Variants in TPST2 observed in about 807,000 individuals in gnomAD.
The protein encoded by TPST2 is tyrosylprotein sulfotransferase 2, also known as protein-tyrosine sulfotransferase 2.
In TPST2, 16 loss-of-function variants were observed where a neutral mutation model predicts 27.8. The observed-to-expected ratio is 0.58, with a 90% CI of 0.39 to 0.88. The LOEUF (loss-of-function observed/expected upper bound fraction) is 0.88, where lower values mean the gene tolerates loss of function less well. TPST2 is among the 40% of genes least tolerant of loss of function. The pLI, the probability that TPST2 is intolerant of heterozygous loss-of-function variation, is 0.00. For missense variants in TPST2, 464 were observed against 543.1 expected, an observed-to-expected ratio of 0.85 and a Z score of 1.45; for synonymous variants, 229 against 231.7, an observed-to-expected ratio of 0.99 and a Z score of 0.10.
intron 6 of TPST2, among the ~76,000 whole-genome samples, 155 bp from the exon 7 acceptor site, chr22:26,526,422 A>C (rs1924838057): frequency 6.6e-6 from 1 of 152,234 alleles, no homozygotes; most frequent in Admixed American, 6.5e-5. Flanking sequence ...AGAGAGTTTA[A>C]ATTTAAAAAC....
intron 1 of TPST2, among the ~76,000 whole-genome samples, chr22:26,568,356 C>A (rs1050122510): frequency 6.6e-6 from 1 of 152,168 alleles, no homozygotes; most frequent in Non-Finnish European, 1.5e-5. Flanking sequence ...CTCTCCAGTA[C>A]GGGCTGGGTA....
At chr22:26,579,720 G>A (rs564227045) in intron 1 of TPST2, among the ~76,000 whole-genome samples, 320 of 152,184 alleles carry the variant, frequency 2.1e-3, no homozygotes, top group African/African-American at 7.4e-3. Context: ...GCTTGGGGTC[G>A]GCAGCGGGAA....
intron 1 of TPST2, among the ~76,000 whole-genome samples, chr22:26,580,744 G>A (rs1928069003): frequency 6.6e-6 from 1 of 152,150 alleles, no homozygotes; most frequent in Admixed American, 6.5e-5. Context: ...GATCCCCAAA[G>A]GAGCCGGTTG....
intron 1 of TPST2, among the ~76,000 whole-genome samples, chr22:26,566,304 G>A (rs1927375717): frequency 6.6e-6 from 1 of 152,136 alleles, no homozygotes; most frequent in Non-Finnish European, 1.5e-5. Context: ...TGTAATCCCA[G>A]CACTTTGGGG....
chr22:26,527,762 C>G (rs1471034953), intron 6 of TPST2, among the ~76,000 whole-genome samples: 2 of 152,224 alleles, frequency 1.3e-5, no homozygotes, highest in African/African-American at 4.8e-5. Flanking sequence ...GGACCAGTAC[C>G]TGGCCCAACG....
intron 1 of TPST2, among the ~76,000 whole-genome samples, chr22:26,581,202 G>A (rs1928097704): frequency 6.6e-6 from 1 of 151,976 alleles, no homozygotes; most frequent in Non-Finnish European, 1.5e-5. Flanking sequence ...ACTCCTACTG[G>A]CATCATTTGC....
At chr22:26,557,443 G>A (rs1337762039) in intron 1 of TPST2, among the ~76,000 whole-genome samples, 1 of 152,222 alleles carries the variant, frequency 6.6e-6, no homozygotes, top group Non-Finnish European at 1.5e-5. Context: ...ATAAGGGAAA[G>A]ACCAGAGGGG....
intron 1 of TPST2, among the ~76,000 whole-genome samples, chr22:26,547,084 CCTTTTTTT>C (rs1470106557): frequency 1.3e-5 from 2 of 152,092 alleles, no homozygotes; most frequent in African/African-American, 4.8e-5. Context: ...AAAGAGCTCT[CCTTTTTTT>C]CTTTTTTTGT....
chr22:26,569,975 AGAAAG>A (rs1927540676), intron 1 of TPST2, among the ~76,000 whole-genome samples: 4 of 11,678 alleles, frequency 3.4e-4, no homozygotes, highest in African/African-American at 3.2e-3. Flanking sequence ...AAAGGAAGAA[AGAAAG>A]AAAAGAAAGA....
chr22:26,576,491 C>T (rs1439537710), intron 1 of TPST2, among the ~76,000 whole-genome samples: 1 of 151,892 alleles, frequency 6.6e-6, no homozygotes, highest in Non-Finnish European at 1.5e-5. Context: ...GAAAAGAATG[C>T]CAGCATTTTA....
Position 26,563,395 on chromosome 22 carries a change from C to T in TPST2, c.-160-18720G>A, listed in dbSNP as rs537448488. 8.5e-4 allele frequency among the ~76,000 whole-genome samples: 127 copies of T among 149,212 alleles called. 1 individual carries two copies. The highest frequency in any genetic ancestry group is 2.8e-3 in the African/African-American group (114 of 40,456). On this transcript the variant is annotated intron_variant, in intron 1 of 6. Transcript: ENST00000338754. ...CCAGGCTGGAGTGCAGTGGCGTGAT[C>T]TCAGCTCACTGCAAGCTCCGTCTCC...
At position 26,541,372 on chromosome 22, in the gene TPST2, T is replaced by C. The variant is rs1230219809; in HGVS notation, c.259A>G (p.Met87Val). 2.4e-5 allele frequency: 38 copies of C among 1,556,936 alleles called. No homozygotes were observed. Among genetic ancestry groups the C allele is most frequent in the Non-Finnish European group, 3.3e-5 (38 of 1,150,656 alleles). Reference protein sequence around the residue: ...PRSGTTLMRAMLDAHPEVRCG... With the variant: ...PRSGTTLMRAVLDAHPEVRCG... ...CGCACCTCGGGGTGCGCGTCCAGCA[T>C]GGCGCGCATCAACGTGGTGCCACTG... is the stretch of plus-strand genomic sequence containing the variant. Residue 87 changes from methionine to valine, a missense_variant, in exon 3 of 7, where the codon ATG becomes GTG. Transcript: ENST00000338754. The surrounding 1 kb of genome is among the most constrained non-coding windows in gnomAD (Gnocchi z 5.9).
intron 1 of TPST2, among the ~76,000 whole-genome samples, chr22:26,589,578 C>T (rs1928472677): frequency 2.0e-5 from 3 of 152,340 alleles, no homozygotes. Flanking sequence ...CCGACGATTT[C>T]CGCCCCCAAC....
intron 1 of TPST2, among the ~76,000 whole-genome samples, chr22:26,556,435 G>A (rs1926796462): frequency 6.6e-6 from 1 of 152,166 alleles, no homozygotes; most frequent in Admixed American, 6.5e-5. Context: ...AGCTACTTGG[G>A]AGGCTGAAGC....
At chr22:26,559,654 G>T (rs909969553) in intron 1 of TPST2, among the ~76,000 whole-genome samples, 2 of 152,180 alleles carry the variant, frequency 1.3e-5, no homozygotes, top group African/African-American at 4.8e-5. Context: ...CACAAAGCAT[G>T]TTCTTTAATG....
At chr22:26,556,146 T>C (rs1926779710) in intron 1 of TPST2, among the ~76,000 whole-genome samples, 1 of 152,168 alleles carries the variant, frequency 6.6e-6, no homozygotes, top group Admixed American at 6.6e-5. Context: ...CTGTAACCTA[T>C]CTGCTCCTTT....
Position 26,541,845 on chromosome 22 carries a change from C to T in TPST2, c.-88-127G>A. ...GAATGCAGAGGGCACCTTTCATAAG[C>T]ACTAGCTGTGTGCCTGGCACCCTGC... On this transcript the variant is annotated intron_variant, in intron 2 of 6. Transcript: ENST00000338754. This position sits in a 1 kb window ranked among gnomAD's most constrained non-coding sequence, Gnocchi z 5.9. 1.0e-6 allele frequency: 1 copy of T among 959,274 alleles called. No individual in the cohort carries two copies. The highest frequency in any genetic ancestry group is 1.5e-6 in the Non-Finnish European group (1 of 687,136). 59.4% of individuals were successfully genotyped at this position (959,274 alleles called of 1,614,324 possible).
chr22:26,579,983 G>A (rs1017376088), intron 1 of TPST2, among the ~76,000 whole-genome samples: 1 of 152,106 alleles, frequency 6.6e-6, no homozygotes, highest in Non-Finnish European at 1.5e-5. Context: ...AGAGGCTTAC[G>A]TCTGTAATCC....
intron 1 of TPST2, among the ~76,000 whole-genome samples, chr22:26,569,811 C>T (rs1438165195): frequency 2.6e-5 from 4 of 151,158 alleles, no homozygotes; most frequent in African/African-American, 9.7e-5. Flanking sequence ...ATTAGCCGGG[C>T]GTGGTCGCAG....
Sources: gnomAD v4.1 joint callset for allele counts (sites outside exome capture counted in the v4.1 genomes callset) on GRCh38, gnomAD v4.1.1 for gene constraint, Gnocchi (gnomAD v3.1) non-coding constraint, MANE v1.5 for transcripts, NCBI Gene and HGNC (gene_info 2026-07-23, HGNC 2026-07-21) for gene names.